The following PCDH9 variants were observed in gnomAD, a reference collection of about 807,000 sequenced individuals.
The protein encoded by PCDH9 is protocadherin-9.
A neutral mutation model predicts 70.6 loss-of-function variants in PCDH9; 24 were observed. The ratio of observed to expected loss-of-function variants is 0.34; its 90% CI spans 0.25 to 0.48. The LOEUF is 0.48. Among genes scored for constraint, PCDH9 ranks in the 20% least tolerant of loss-of-function variants. The pLI, the probability that PCDH9 is intolerant of heterozygous loss-of-function variation, is 0.99. For synonymous variants in PCDH9, 562 were observed against 558.5 expected (o/e 1.01, Z -0.09); for missense variants, 1,281 against 1,503.6 (o/e 0.85, Z 2.45).
intron 4 of PCDH9, among the ~76,000 whole-genome samples, chr13:66,361,148 G>A (rs565506425): frequency 8.0e-4 from 121 of 152,166 alleles, no homozygotes; most frequent in Non-Finnish European, 1.2e-3. Flanking sequence ...TCTATTAAAC[G>A]GACTGGATCT....
chr13:67,096,066 A>G (rs1480096375), intron 2 of PCDH9, among the ~76,000 whole-genome samples: 2 of 152,212 alleles, frequency 1.3e-5, no homozygotes, highest in Non-Finnish European at 2.9e-5. Context: ...TATAGTTAAT[A>G]TCTTATAGAA....
chr13:66,465,478 T>G (rs1958499621), intron 4 of PCDH9, among the ~76,000 whole-genome samples: 1 of 152,062 alleles, frequency 6.6e-6, no homozygotes, highest in South Asian at 2.1e-4. Flanking sequence ...TAAGTATATG[T>G]GACAGGTCAA....
At chr13:67,127,841 T>C (rs1276490427) in intron 2 of PCDH9, among the ~76,000 whole-genome samples, 2 of 151,998 alleles carry the variant, frequency 1.3e-5, no homozygotes, top group Non-Finnish European at 2.9e-5. Context: ...ATGGGAGCAC[T>C]TTTTTGTCCA....
chr13:66,968,481 T>C (rs1441654459), intron 2 of PCDH9, among the ~76,000 whole-genome samples: 1 of 152,012 alleles, frequency 6.6e-6, no homozygotes, highest in African/African-American at 2.4e-5. Context: ...GATGAGATGT[T>C]GTCAAATCAC....
chr13:66,899,510 A>T (rs2082242305), intron 3 of PCDH9, among the ~76,000 whole-genome samples: 2 of 152,054 alleles, frequency 1.3e-5, no homozygotes, highest in African/African-American at 4.8e-5. Context: ...AATATTCTTT[A>T]GCTCAAGCAT....
intron 3 of PCDH9, among the ~76,000 whole-genome samples, chr13:66,648,114 T>C (rs1488187677): frequency 2.0e-5 from 3 of 152,232 alleles, no homozygotes; most frequent in Admixed American, 6.5e-5. Flanking sequence ...TGAATCTGCC[T>C]GGAGCCAAGA....
chr13:66,660,068 C>T (rs1015462583), intron 3 of PCDH9, among the ~76,000 whole-genome samples: 2 of 152,060 alleles, frequency 1.3e-5, no homozygotes, highest in Admixed American at 6.6e-5. Flanking sequence ...TAGCTTTTCT[C>T]GGAGTTGAAA....
At chr13:67,151,984 C>T (rs1053458265) in intron 2 of PCDH9, among the ~76,000 whole-genome samples, 1 of 152,066 alleles carries the variant, frequency 6.6e-6, no homozygotes, top group African/African-American at 2.4e-5. Flanking sequence ...CTTAAGGATA[C>T]TTTCTCATCT....
At chr13:66,985,467 G>T (rs1288373721) in intron 2 of PCDH9, 1 of 151,634 alleles carries the variant, frequency 6.6e-6, no homozygotes, top group Non-Finnish European at 1.5e-5. Context: ...ACAGTTAAAT[G>T]CTTACACATG....
chr13:66,851,792 G>T (rs1033621117), intron 3 of PCDH9, among the ~76,000 whole-genome samples: 1 of 152,058 alleles, frequency 6.6e-6, no homozygotes, highest in African/African-American at 2.4e-5. Flanking sequence ...TCTTTTCTTG[G>T]TCTGCTAAGA....
chr13:66,391,695 T>C (rs2138269739), intron 4 of PCDH9, among the ~76,000 whole-genome samples: 1 of 152,060 alleles, frequency 6.6e-6, no homozygotes, highest in South Asian at 2.1e-4. Context: ...GCTTATACCA[T>C]AGAAGTCTTA....
In PCDH9 at chr13:67,160,615, A is replaced by G. The variant is rs761518674; in HGVS notation, c.3036+64790T>C. Among the ~76,000 whole-genome samples the G allele has an allele frequency of 5.3e-5, 8 of 151,824 alleles. 1 individual carries two copies. The highest frequency in any genetic ancestry group is 1.3e-4 in the Admixed American group (2 of 15,258). The stretch of plus-strand genomic sequence containing the variant: ...TTTTAGGGTTTATGATTTAAATACC[A>G]TGATTCAAGACAACATGCAGGTTGA... On this transcript the variant is annotated intron_variant, in intron 2 of 4. Coordinates refer to ENST00000377865, the MANE Select transcript of PCDH9 (RefSeq NM_203487.3).
At chr13:66,972,624 C>A (rs1167497672) in intron 2 of PCDH9, among the ~76,000 whole-genome samples, 3 of 151,942 alleles carry the variant, frequency 2.0e-5, no homozygotes, top group Admixed American at 2.0e-4. Context: ...TACAATAAGT[C>A]CTGAAATAAC....
intron 3 of PCDH9, among the ~76,000 whole-genome samples, chr13:66,683,051 T>C (rs2078349790): frequency 1.3e-5 from 2 of 152,196 alleles, no homozygotes. Context: ...TAGGGACCAC[T>C]GACTTGTTAA....
chr13:67,022,067 G>A (rs1377707088), intron 2 of PCDH9, among the ~76,000 whole-genome samples: 1 of 127,622 alleles, frequency 7.8e-6, no homozygotes, highest in African/African-American at 3.0e-5. Flanking sequence ...TCATAAGAAT[G>A]TTCCAGCTCC....
intron 4 of PCDH9, among the ~76,000 whole-genome samples, chr13:66,618,055 C>T (rs1284683935): frequency 4.6e-5 from 7 of 152,164 alleles, no homozygotes; most frequent in African/African-American, 1.7e-4. Flanking sequence ...GGCCCCTCCT[C>T]TTCCTGGGTG....
chr13:66,483,181 T>C (rs978826014), intron 4 of PCDH9, among the ~76,000 whole-genome samples: 2 of 152,236 alleles, frequency 1.3e-5, no homozygotes, highest in African/African-American at 4.8e-5. Context: ...TATATCTGTA[T>C]GTTTGGCCTT....
At chr13:66,842,333 C>T (rs890225050) in intron 3 of PCDH9, among the ~76,000 whole-genome samples, 1 of 152,110 alleles carries the variant, frequency 6.6e-6, no homozygotes, top group Non-Finnish European at 1.5e-5. Flanking sequence ...CCCTTACTTG[C>T]TCTCCCTATG....
intron 3 of PCDH9, among the ~76,000 whole-genome samples, chr13:66,667,224 C>G (rs1355339778): frequency 6.6e-6 from 1 of 152,036 alleles, no homozygotes; most frequent in Non-Finnish European, 1.5e-5. Flanking sequence ...GAAGAAAAGG[C>G]TGGAAGGAGA....
Sources: gnomAD v4.1 joint callset for allele counts (sites outside exome capture counted in the v4.1 genomes callset) on GRCh38, gnomAD v4.1.1 for gene constraint, MANE v1.5 for transcripts, NCBI Gene and HGNC (gene_info 2026-07-23, HGNC 2026-07-21) for gene names.